Variants in ARAP1 observed in about 807,000 individuals in gnomAD.
The protein encoded by ARAP1 is arf-GAP with Rho-GAP domain, ANK repeat and PH domain-containing protein 1.
A neutral mutation model predicts 172.2 loss-of-function variants in ARAP1; 76 were observed. The ratio of observed to expected loss-of-function variants is 0.44; its 90% CI spans 0.37 to 0.53. ARAP1 has a LOEUF of 0.53. ARAP1 is among the 20% of genes least tolerant of loss of function. The pLI is 0.00. For missense variants in ARAP1, 1,686 were observed against 1,977.5 expected (o/e 0.85, Z 2.80); for synonymous variants, 804 against 803.3 (o/e 1.00, Z -0.01).
chr11:72,698,049 G>T lies in ARAP1; in HGVS notation c.2599C>A (p.Arg867Ser), dbSNP rs573191111. The change falls in exon 19 of 35, where the codon CGC (arginine) becomes AGC (serine). Residue 867 changes from arginine (R) to serine (S), a missense_variant. Physicochemically the swap from Arg to Ser is moderately radical, Grantham distance 110. Transcript: ENST00000393609. ...CTCAGGCCAGCTTTGTAGGGTAGGC[G>T]TCCCAGCCGCTCAAAATCCCGGGCC... ...LLARDFERLG[R>S]LPYKAGLSLQ... is the part of the protein sequence containing the mutation. The T allele has an allele frequency of 1.2e-6, 2 of 1,607,212 alleles. No homozygotes were observed. The highest frequency in any genetic ancestry group is 1.7e-6 in the Non-Finnish European group (2 of 1,177,534).
chr11:72,742,476 G>T (rs1269895522), intron 1 of ARAP1, among the ~76,000 whole-genome samples: 1 of 152,152 alleles, frequency 6.6e-6, no homozygotes, highest in Non-Finnish European at 1.5e-5. Flanking sequence ...CTGTATCAAG[G>T]GTCCTCTCAA....
At chr11:72,691,387 T>G (rs548314282) in intron 30 of ARAP1, among the ~76,000 whole-genome samples, 5 of 152,216 alleles carry the variant, frequency 3.3e-5, no homozygotes, top group African/African-American at 9.6e-5. Context: ...CCATCTTCCC[T>G]CCCTTCTGCC....
rs186706055 is a variant in ARAP1, at chr11:72,712,278, G to C, written c.940C>G (p.Pro314Ala). Residue 314 changes from proline to alanine, a missense_variant, in exon 7 of 35, where the codon CCC (proline) becomes GCC (alanine). This residue lies in a region of ARAP1 where 688 missense variants were observed against 856.9 expected (regional missense o/e 0.80). Transcript: ENST00000393609. ...SLPSTIAAPH[P>A]MDGPPGGSTP... ...GAGCCCCCAGGCGGCCCGTCCATGG[G>C]GTGTGGCGCAGCTATTGTGCTGGGC... The C allele has an allele frequency of 6.3e-7, 1 of 1,598,200 alleles. No homozygotes were observed. Among genetic ancestry groups the C allele is most frequent in the African/African-American group, 1.3e-5 (1 of 74,598 alleles).
intron 1 of ARAP1, among the ~76,000 whole-genome samples, chr11:72,745,355 A>ATTTTTTTTTTTTTT (rs35656290): frequency 1.8e-5 from 2 of 110,746 alleles, no homozygotes; most frequent in African/African-American, 7.0e-5. Context: ...CGTCCGGCTA[A>ATTTTTTTTTTTTTT]TTTTTTTTTT....
At chr11:72,746,088 C>T (rs1423037009) in intron 1 of ARAP1, among the ~76,000 whole-genome samples, 1 of 152,208 alleles carries the variant, frequency 6.6e-6, no homozygotes, top group African/African-American at 2.4e-5. Context: ...GAGCCACATC[C>T]CATACTGGCC....
intron 14 of ARAP1, chr11:72,703,415 G>GT (rs962428725): frequency 1.4e-5 from 2 of 145,314 alleles, no homozygotes; most frequent in East Asian, 1.6e-4. Context: ...AGCCGGGGGG[G>GT]GGGTGTGCTT....
In ARAP1 at chr11:72,697,932, G is replaced by T. The variant is rs762630269; in HGVS notation, c.2716C>A (p.Leu906Ile). The T allele has an allele frequency of 1.9e-6, 3 of 1,606,488 alleles. No individual in the cohort carries two copies. Among genetic ancestry groups the T allele is most frequent in the Non-Finnish European group, 2.6e-6 (3 of 1,176,030 alleles). ...GCACAAAGCTCCTGCAGTTTCCGTA[G>T]TTGCAGCGGCTCTTCGCAGGGCCCC... ...PEGPCEEPLQ[L>I]RKLQELSIQG... The change falls in exon 19 of 35, where the codon CTA (leucine) becomes ATA (isoleucine). Residue 906 changes from leucine (L) to isoleucine (I), a missense_variant. Leu to Ile is a conservative substitution (Grantham distance 5). This residue lies in a region of ARAP1 where 274 missense variants were observed against 262.7 expected (regional missense o/e 1.04). Coordinates refer to ENST00000393609, the MANE Select transcript of ARAP1 (RefSeq NM_001040118.3).
Position 72,726,181 on chromosome 11 carries a change from C to G in ARAP1, c.509+439G>C, listed in dbSNP as rs561516366. 6.6e-6 allele frequency among the ~76,000 whole-genome samples: 1 copy of G among 152,104 alleles called. No individual in the cohort carries two copies. Among genetic ancestry groups the G allele is most frequent in the Non-Finnish European group, 1.5e-5 (1 of 67,952 alleles). On this transcript the variant is annotated intron_variant, in intron 3 of 34. Transcript: ENST00000393609. The surrounding 1 kb of genome is among the most constrained non-coding windows in gnomAD (Gnocchi z 6.5). ...AGCACACCACCAGGACCTGGGCAGT[C>G]CCCTCACCCCCAACCCTACCCCGCA...
At chr11:72,736,294 G>A (rs1858022839) in intron 1 of ARAP1, among the ~76,000 whole-genome samples, 1 of 146,838 alleles carries the variant, frequency 6.8e-6, no homozygotes, top group Non-Finnish European at 1.5e-5. Context: ...CCAGGCTGGA[G>A]TGCAGTGGCA....
chr11:72,718,268 A>AC (rs1255012462), intron 3 of ARAP1, among the ~76,000 whole-genome samples: 8 of 150,916 alleles, frequency 5.3e-5, no homozygotes, highest in African/African-American at 1.5e-4. Context: ...AAAGGCAGTG[A>AC]CCCCCTACCG....
chr11:72,735,114 G>A (rs1857979987), intron 1 of ARAP1, among the ~76,000 whole-genome samples: 1 of 151,944 alleles, frequency 6.6e-6, no homozygotes, highest in African/African-American at 2.4e-5. Context: ...CCAAGTACCT[G>A]GGACTACAGG....
At chr11:72,716,341 G>T (rs563749929) in intron 3 of ARAP1, among the ~76,000 whole-genome samples, 1 of 152,278 alleles carries the variant, frequency 6.6e-6, no homozygotes, top group South Asian at 2.1e-4. Flanking sequence ...TCTTCTCCAG[G>T]TGTAGATAAA....
intron 4 of ARAP1, among the ~76,000 whole-genome samples, 189 bp downstream of exon 4, chr11:72,713,963 G>A (rs182179582): frequency 6.6e-6 from 1 of 152,338 alleles, no homozygotes; most frequent in Admixed American, 6.5e-5. Context: ...CAGAGAGGTG[G>A]GTGCTGTCTC....
intron 4 of ARAP1, 37 bp downstream of exon 4, chr11:72,714,115 T>C: frequency 7.0e-7 from 1 of 1,421,380 alleles, no homozygotes; most frequent in South Asian, 1.6e-5. Context: ...TCCCAGGCCA[T>C]CCACCCAGAG....
chr11:72,746,090 A>C (rs112793702), intron 1 of ARAP1, among the ~76,000 whole-genome samples: 1 of 152,092 alleles, frequency 6.6e-6, no homozygotes, highest in Non-Finnish European at 1.5e-5. Flanking sequence ...GCCACATCCC[A>C]TACTGGCCCT....
Position 72,707,392 on chromosome 11 carries a change from G to T in ARAP1, c.1524-18C>A. 2 of 1,603,296 alleles carry T rather than the reference G, an allele frequency of 1.2e-6. No homozygotes were observed. Among genetic ancestry groups the T allele is most frequent in the Non-Finnish European group, 1.7e-6 (2 of 1,173,530 alleles). On this transcript the variant is annotated intron_variant, in intron 11 of 34. Coordinates refer to ENST00000393609, the MANE Select transcript of ARAP1 (RefSeq NM_001040118.3). ...CAGAGAAGCTGGGGACATAGGGGTG[G>T]GGAGATTAGTGGGGATGGACTCAGA...
Position 72,712,443 on chromosome 11 carries a change from G to T in ARAP1, c.873C>A (p.Val291=). The T allele has an allele frequency of 5.7e-6, 9 of 1,578,330 alleles. No individual in the cohort carries two copies. Among genetic ancestry groups the T allele is most frequent in the Non-Finnish European group, 6.9e-6 (8 of 1,156,664 alleles). ...EEEDDHAYEG[V]PNGGWHTSSL... is the part of the protein sequence containing the mutation. ...GAGGGTGGCCGGACACTCACTTGGG[G>T]ACGCCCTCATAGGCGTGGTCATCCT... The change falls in exon 6 of 35, where the codon GTC becomes GTA. Residue 291 remains valine, a synonymous_variant. Transcript: ENST00000393609.
At chr11:72,742,696 C>A (rs1483875932) in intron 1 of ARAP1, among the ~76,000 whole-genome samples, 2 of 152,200 alleles carry the variant, frequency 1.3e-5, no homozygotes, top group Non-Finnish European at 2.9e-5. Flanking sequence ...GGCAGGGATT[C>A]CTCCTGCTGT....
intron 12 of ARAP1, among the ~76,000 whole-genome samples, chr11:72,706,193 T>C (rs1856753259): frequency 6.6e-6 from 1 of 152,198 alleles, no homozygotes; most frequent in Non-Finnish European, 1.5e-5. Flanking sequence ...CTTTAAAATG[T>C]AAATCCCTGA....
Sources: allele counts gnomAD v4.1 joint callset (sites outside exome capture counted in the v4.1 genomes callset), GRCh38; gene constraint gnomAD v4.1.1; regional missense constraint gnomAD v4.1.1; non-coding constraint Gnocchi (gnomAD v3.1); transcripts MANE v1.5; gene names NCBI Gene and HGNC (gene_info 2026-07-23, HGNC 2026-07-21).